The following PDE1C variants were observed in gnomAD, a reference collection of about 807,000 sequenced individuals.
PDE1C encodes phosphodiesterase 1C.
In PDE1C, 62 loss-of-function variants were observed where a neutral mutation model predicts 93.1. The observed-to-expected ratio is 0.67, with a 90% confidence interval of 0.54 to 0.82. PDE1C has a LOEUF of 0.82. PDE1C is among the 40% of genes least tolerant of loss of function. The pLI is 0.00. For synonymous variants in PDE1C, 325 were observed against 310.1 expected, an observed-to-expected ratio of 1.05 and a Z score of -0.50; for missense variants, 742 against 884.6, an observed-to-expected ratio of 0.84 and a Z score of 2.04.
At chr7:31,700,717 C>T in the PDE1C span, among the ~76,000 whole-genome samples, 24 of 152,174 alleles carry the variant, frequency 1.6e-4, no homozygotes, top group Admixed American at 1.2e-3. Context: ...GGGGATAATG[C>T]CCCGGTGACT....
intron 2 of PDE1C, among the ~76,000 whole-genome samples, chr7:32,024,984 C>T (rs944151307): frequency 8.6e-5 from 13 of 152,012 alleles, no homozygotes; most frequent in Admixed American, 2.0e-4. Context: ...GGTATCTACT[C>T]GGGGGGCTTA....
chr7:31,670,674 C>T, the PDE1C span, among the ~76,000 whole-genome samples: 2 of 152,186 alleles, frequency 1.3e-5, no homozygotes, highest in African/African-American at 4.8e-5. Flanking sequence ...AGACAGGAGG[C>T]AGGCAAATTC....
chr7:32,212,367 G>C (rs558896605), intron 1 of PDE1C, among the ~76,000 whole-genome samples: 1 of 152,270 alleles, frequency 6.6e-6, no homozygotes, highest in South Asian at 2.1e-4. Flanking sequence ...CGCCAGGAAA[G>C]GCAAGAATCA....
chr7:31,916,201 ATACTAT>A (rs1801893687), intron 2 of PDE1C, among the ~76,000 whole-genome samples: 1 of 152,090 alleles, frequency 6.6e-6, no homozygotes, highest in Admixed American at 6.6e-5. Context: ...TATATTATTA[ATACTAT>A]TACTATTGAC....
At chr7:32,018,239 T>C (rs1488675142) in intron 2 of PDE1C, among the ~76,000 whole-genome samples, 2 of 151,998 alleles carry the variant, frequency 1.3e-5, no homozygotes, top group Non-Finnish European at 2.9e-5. Flanking sequence ...GTGCAGCTGC[T>C]TTGAAAAATG....
the PDE1C span, among the ~76,000 whole-genome samples, chr7:31,647,750 C>G: frequency 6.7e-6 from 1 of 150,016 alleles, no homozygotes; most frequent in Admixed American, 6.6e-5. Context: ...GAGTTCTGAG[C>G]AGATGTTGAA....
intron 2 of PDE1C, among the ~76,000 whole-genome samples, chr7:32,021,750 G>C (rs1272412359): frequency 6.6e-6 from 1 of 151,832 alleles, no homozygotes; most frequent in African/African-American, 2.4e-5. Flanking sequence ...CTATCCACAG[G>C]TAGACAATAA....
chr7:32,012,643 T>C (rs369977668), intron 2 of PDE1C, among the ~76,000 whole-genome samples: 1 of 152,154 alleles, frequency 6.6e-6, no homozygotes, highest in African/African-American at 2.4e-5. Context: ...AAAAGGGTCA[T>C]GAGGAAAATT....
At chr7:32,021,171 C>G (rs192642595) in intron 2 of PDE1C, among the ~76,000 whole-genome samples, 102 of 152,236 alleles carry the variant, frequency 6.7e-4, no homozygotes, top group African/African-American at 2.4e-3. Flanking sequence ...CCACTAAAGA[C>G]TGCCGAGCTC....
At chr7:32,343,274 T>C (rs1397964177) in intron 1 of PDE1C, among the ~76,000 whole-genome samples, 1 of 152,212 alleles carries the variant, frequency 6.6e-6, no homozygotes, top group African/African-American at 2.4e-5. Context: ...TTTGACAAAG[T>C]AGGACACCAA....
At chr7:32,020,581 G>A (rs1287554756) in intron 2 of PDE1C, among the ~76,000 whole-genome samples, 1 of 151,940 alleles carries the variant, frequency 6.6e-6, no homozygotes, top group Admixed American at 6.6e-5. Context: ...AATCAAAACA[G>A]AAAGAAAACA....
the PDE1C span, chr7:31,643,475 C>G: frequency 6.2e-7 from 1 of 1,614,038 alleles, no homozygotes; most frequent in Non-Finnish European, 8.5e-7. Flanking sequence ...CCTCTAAATA[C>G]TGGCAGCTCC....
At chr7:32,299,422 A>C, upstream of PDE1C, 1 of 985,528 alleles carries the variant, frequency 1.0e-6, no homozygotes, top group Non-Finnish European at 1.2e-6. Context: ...CCCTGCCAGG[A>C]AGGTAATTGT....
chr7:32,177,994 G>A lies in PDE1C; in HGVS notation c.137-8038C>T, dbSNP rs114085960. 9.0e-3 allele frequency among the ~76,000 whole-genome samples: 1,374 copies of A among 152,300 alleles called. 27 individuals are homozygous for A. Among genetic ancestry groups the A allele is most frequent in the African/African-American group, 0.031 (1,293 of 41,562 alleles). ...TTATCTGCAGGCTCTCATCCCCCAT[G>A]GTCAAAGGTAACTCCACAGGGAATT... On this transcript the variant is annotated intron_variant, in intron 2 of 18. Coordinates refer to the PDE1C transcript ENST00000396193.
At chr7:31,912,202 G>A (rs1801328350) in intron 2 of PDE1C, among the ~76,000 whole-genome samples, 1 of 152,080 alleles carries the variant, frequency 6.6e-6, no homozygotes, top group Non-Finnish European at 1.5e-5. Context: ...TAGATAAGAA[G>A]AGAGAATTCT....
the PDE1C span, among the ~76,000 whole-genome samples, chr7:31,682,514 A>T: frequency 1.3e-5 from 2 of 152,206 alleles, no homozygotes; most frequent in African/African-American, 4.8e-5. Flanking sequence ...ATCATGCCAC[A>T]TTGCTGGTGG....
intron 2 of PDE1C, among the ~76,000 whole-genome samples, chr7:31,987,451 C>T: frequency 6.6e-6 from 1 of 152,112 alleles, no homozygotes; most frequent in Non-Finnish European, 1.5e-5. Flanking sequence ...AGACCCAGAA[C>T]TTCTAAAATG....
intron 3 of PDE1C, among the ~76,000 whole-genome samples, chr7:32,089,607 C>G (rs973761968): frequency 6.6e-6 from 1 of 152,144 alleles, no homozygotes; most frequent in South Asian, 2.1e-4. Context: ...CCGCAGTTCT[C>G]GTGATAGGAA....
chr7:32,387,833 C>CT (rs1784670010), intron 1 of PDE1C, among the ~76,000 whole-genome samples: 1 of 115,942 alleles, frequency 8.6e-6, no homozygotes, highest in Admixed American at 7.7e-5. Context: ...CCCTCCAGGA[C>CT]GGGGCGGCTG....
Sources: allele counts gnomAD v4.1 joint callset (sites outside exome capture counted in the v4.1 genomes callset), GRCh38; gene constraint gnomAD v4.1.1; transcripts MANE v1.5; gene names NCBI Gene and HGNC (gene_info 2026-07-23, HGNC 2026-07-21).